The following DNAJB14 variants were observed in gnomAD, a reference collection of about 807,000 sequenced individuals.
DNAJB14 encodes the protein DnaJ heat shock protein family (Hsp40) member B14.
DNAJB14 carries 22 observed loss-of-function variants against 48.4 expected under a neutral mutation model. The ratio of observed to expected loss-of-function variants is 0.45; its 90% CI spans 0.32 to 0.65. The LOEUF is 0.65. Among genes scored for constraint, DNAJB14 ranks in the 30% least tolerant of loss-of-function variants. The pLI, the probability that DNAJB14 is intolerant of heterozygous loss-of-function variation, is 0.03. For missense variants in DNAJB14, 319 were observed against 458.8 expected (o/e 0.70, Z 2.78); for synonymous variants, 142 against 158.7 (o/e 0.89, Z 0.79).
Position 99,903,786 on chromosome 4 carries a change from T to A in DNAJB14, c.955A>T (p.Ser319Cys), listed in dbSNP as rs1725375337. 1 of 1,612,714 alleles carries A rather than the reference T, an allele frequency of 6.2e-7. No homozygotes were observed. The highest frequency in any genetic ancestry group is 8.5e-7 in the Non-Finnish European group (1 of 1,179,360). The stretch of plus-strand genomic sequence containing the variant: ...TTAGTCACATAATCTTCCTCCACAC[T>A]CTTTTCTACCTTTTGTAATAACATT... Reference protein sequence around the residue: ...KGMLLQKVEKSVEEDYVTNIR... With the variant: ...KGMLLQKVEKCVEEDYVTNIR... The change falls in exon 7 of 8, where the codon AGT becomes TGT. Residue 319 changes from serine (S) to cysteine (C), a missense_variant. Coordinates refer to ENST00000442697, the MANE Select transcript of DNAJB14 (RefSeq NM_001031723.4).
intron 3 of DNAJB14, among the ~76,000 whole-genome samples, chr4:99,911,927 G>A (rs1455663639): frequency 6.6e-6 from 1 of 151,990 alleles, no homozygotes; most frequent in African/African-American, 2.4e-5. Flanking sequence ...TATGTACTGT[G>A]CTTTTGGGAT....
chr4:99,939,474 C>T (rs953562564), intron 1 of DNAJB14, among the ~76,000 whole-genome samples: 8 of 152,242 alleles, frequency 5.3e-5, no homozygotes, highest in Non-Finnish European at 4.4e-5. Flanking sequence ...ATTTTTAGCA[C>T]AAACATGTTC....
intron 5 of DNAJB14, 149 bp from the exon 6 acceptor site, chr4:99,905,855 T>C: frequency 8.0e-7 from 1 of 1,257,386 alleles, no homozygotes; most frequent in South Asian, 1.6e-5. Flanking sequence ...AATAGGATGA[T>C]TCTTAAATAT....
intron 1 of DNAJB14, among the ~76,000 whole-genome samples, chr4:99,935,630 A>AT (rs1726644887): frequency 6.6e-6 from 1 of 152,216 alleles, no homozygotes; most frequent in Non-Finnish European, 1.5e-5. Context: ...TACGGTTTGA[A>AT]TATTTTCTAA....
chr4:99,917,067 G>A (rs1725882994), intron 3 of DNAJB14, among the ~76,000 whole-genome samples: 3 of 152,124 alleles, frequency 2.0e-5, no homozygotes, highest in Non-Finnish European at 2.9e-5. Context: ...CCTGGGAGGC[G>A]GAGGTTGCAG....
chr4:99,912,258 C>G (rs992703404), intron 3 of DNAJB14, among the ~76,000 whole-genome samples: 1 of 152,200 alleles, frequency 6.6e-6, no homozygotes, highest in African/African-American at 2.4e-5. Flanking sequence ...GCCATTACCA[C>G]GCAGTTTTGT....
At chr4:99,929,542 T>C (rs1252150391) in intron 2 of DNAJB14, 1 of 152,142 alleles carries the variant, frequency 6.6e-6, no homozygotes, top group Non-Finnish European at 1.5e-5. Flanking sequence ...CTTTCCTTAA[T>C]AAATAAAACC....
At chr4:99,909,146 T>C (rs1411583958) in intron 3 of DNAJB14, among the ~76,000 whole-genome samples, 1 of 152,054 alleles carries the variant, frequency 6.6e-6, no homozygotes, top group South Asian at 2.1e-4. Flanking sequence ...TTTTTTAATA[T>C]TGTGCTCCAT....
chr4:99,925,360 G>A (rs1472758339), intron 2 of DNAJB14: 4 of 152,110 alleles, frequency 2.6e-5, no homozygotes, highest in East Asian at 1.9e-4. Flanking sequence ...GTGGAGAGCC[G>A]ACTATATTAG....
chr4:99,932,122 T>G (rs1348777714), intron 1 of DNAJB14, among the ~76,000 whole-genome samples: 1 of 151,956 alleles, frequency 6.6e-6, no homozygotes, highest in African/African-American at 2.4e-5. Context: ...GGCAAAATAT[T>G]CTTAACTACA....
chr4:99,941,866 G>A (rs1726901410), intron 1 of DNAJB14, among the ~76,000 whole-genome samples: 1 of 152,062 alleles, frequency 6.6e-6, no homozygotes, highest in Non-Finnish European at 1.5e-5. Flanking sequence ...GCTACTAGCT[G>A]AAATTTGGAA....
chr4:99,903,218 G>A (rs915062897), intron 7 of DNAJB14, among the ~76,000 whole-genome samples: 1 of 152,098 alleles, frequency 6.6e-6, no homozygotes, highest in South Asian at 2.1e-4. Context: ...TAAGAAAACT[G>A]AGGCTGGAAA....
At chr4:99,935,318 A>G (rs942750143) in intron 1 of DNAJB14, among the ~76,000 whole-genome samples, 1 of 152,344 alleles carries the variant, frequency 6.6e-6, no homozygotes, top group South Asian at 2.1e-4. Flanking sequence ...CAATGGAGTA[A>G]CAGATACACA....
intron 3 of DNAJB14, among the ~76,000 whole-genome samples, chr4:99,917,100 A>C (rs1279602303): frequency 1.3e-5 from 2 of 152,226 alleles, no homozygotes; most frequent in African/African-American, 2.4e-5. Flanking sequence ...GCACCACTGC[A>C]CTCCAGCCTG....
intron 3 of DNAJB14, among the ~76,000 whole-genome samples, chr4:99,915,223 C>T (rs1038336256): frequency 9.2e-5 from 14 of 152,102 alleles, no homozygotes; most frequent in Non-Finnish European, 1.8e-4. Context: ...CTGCGAGCTC[C>T]GCCTCCCAGG....
intron 3 of DNAJB14, among the ~76,000 whole-genome samples, chr4:99,921,434 C>T (rs1383028091): frequency 6.6e-6 from 1 of 152,106 alleles, no homozygotes; most frequent in Non-Finnish European, 1.5e-5. Context: ...CTATTCAAAA[C>T]GCAACACAGG....
At chr4:99,910,626 A>C (rs1049898771) in intron 3 of DNAJB14, among the ~76,000 whole-genome samples, 4 of 152,046 alleles carry the variant, frequency 2.6e-5, no homozygotes, top group Non-Finnish European at 5.9e-5. Flanking sequence ...ATACTGTCAT[A>C]ATCTATAATT....
chr4:99,925,782 T>C (rs951158578), intron 2 of DNAJB14: 3 of 151,842 alleles, frequency 2.0e-5, no homozygotes, highest in African/African-American at 7.3e-5. Flanking sequence ...TGGAGAAAAA[T>C]AAAGAAGCTA....
chr4:99,926,127 T>C (rs965050439), intron 2 of DNAJB14: 1 of 152,260 alleles, frequency 6.6e-6, no homozygotes, highest in African/African-American at 2.4e-5. Flanking sequence ...AGAATCCAAA[T>C]TCCTCAGGAC....
Sources: allele counts gnomAD v4.1 joint callset (sites outside exome capture counted in the v4.1 genomes callset), GRCh38; gene constraint gnomAD v4.1.1; transcripts MANE v1.5; gene names NCBI Gene and HGNC (gene_info 2026-07-23, HGNC 2026-07-21).